CWH43: variants seen among roughly 807,000 people sequenced by gnomAD.
The protein encoded by CWH43 is PGAP2-interacting protein.
In CWH43, 91 loss-of-function variants were observed where a neutral mutation model predicts 85.7. That is an observed-to-expected ratio of 1.06 (90% CI 0.90 to 1.26). The LOEUF (loss-of-function observed/expected upper bound fraction) is 1.26. Ranked by LOEUF, CWH43 falls within the 50% of genes most tolerant of loss-of-function variation. CWH43 has a pLI of 0.00. For missense variants in CWH43, 869 were observed against 839.2 expected, an observed-to-expected ratio of 1.04 and a Z score of -0.44; for synonymous variants, 323 against 293.6, an observed-to-expected ratio of 1.10 and a Z score of -1.02.
chr4:49,034,826 C>A (rs1186111084), intron 12 of CWH43, among the ~76,000 whole-genome samples: 2 of 152,152 alleles, frequency 1.3e-5, no homozygotes, highest in African/African-American at 2.4e-5. Context: ...TCATGGGGTT[C>A]TTGTGCCCAT....
rs1560515617 is a variant in CWH43 at position 49,050,635 on chromosome 4, C to T, written c.1866-59C>T. ...AATAACAAAGGGGTATCACTTGGATCTCGTTAGATTTCTATACAATAATAA... is the reference window on the plus strand; with the variant it reads ...AATAACAAAGGGGTATCACTTGGATTTCGTTAGATTTCTATACAATAATAA... On this transcript the variant is annotated intron_variant, in intron 14 of 15. Coordinates refer to ENST00000226432, the MANE Select transcript of CWH43 (RefSeq NM_025087.3). 9 of 1,393,126 alleles carry T rather than the reference C, an allele frequency of 6.5e-6. No homozygotes were observed. The Admixed American group carries it at 1.8e-4, about 27-fold the overall frequency. 86.3% of individuals were successfully genotyped at this position (1,393,126 alleles called of 1,614,324 possible).
intron 2 of CWH43, among the ~76,000 whole-genome samples, chr4:48,991,119 T>A (rs1000622724): frequency 3.3e-5 from 5 of 152,130 alleles, no homozygotes; most frequent in African/African-American, 1.2e-4. Context: ...TGCCAGAGGC[T>A]AGGGCATGTG....
chr4:48,990,469 T>G (rs902019946), intron 2 of CWH43, among the ~76,000 whole-genome samples: 5 of 152,176 alleles, frequency 3.3e-5, no homozygotes, highest in African/African-American at 1.2e-4. Flanking sequence ...TGAGATATTC[T>G]TATATAAATA....
At chr4:49,028,796 G>A in intron 10 of CWH43, 62 bp downstream of exon 10, 2 of 1,125,006 alleles carry the variant, frequency 1.8e-6, no homozygotes, top group Non-Finnish European at 2.7e-6. Flanking sequence ...TTTATTTTCA[G>A]CAGGGTCATA....
At chr4:49,053,265 A>G (rs528540634) in intron 15 of CWH43, among the ~76,000 whole-genome samples, 1 of 152,300 alleles carries the variant, frequency 6.6e-6, no homozygotes, top group East Asian at 1.9e-4. Flanking sequence ...AGGAGTACAG[A>G]TATTTCTTCA....
At chr4:49,053,732 A>G (rs1005652926) in intron 15 of CWH43, among the ~76,000 whole-genome samples, 15 of 152,148 alleles carry the variant, frequency 9.9e-5, no homozygotes, top group African/African-American at 3.4e-4. Context: ...AAAATCCAAA[A>G]TCTGAAATGC....
chr4:49,019,848 G>A (rs1783683150), intron 9 of CWH43, among the ~76,000 whole-genome samples: 1 of 152,070 alleles, frequency 6.6e-6, no homozygotes, highest in Admixed American at 6.6e-5. Flanking sequence ...CCAAAGTGCT[G>A]GGATTACAGA....
intron 15 of CWH43, among the ~76,000 whole-genome samples, chr4:49,057,222 G>T (rs1415020726): frequency 6.6e-6 from 1 of 152,176 alleles, no homozygotes; most frequent in Non-Finnish European, 1.5e-5. Context: ...GGTGGTCAGA[G>T]TACAGCTTGG....
In CWH43 at chr4:48,991,315, A is replaced by T; in HGVS notation, c.236-139A>T. ...TGAATTGTATTTCAATAAAAATTTT[A>T]AATACATATATAAAATTATACATCA... is the stretch of plus-strand genomic sequence containing the variant. On this transcript the variant is annotated intron_variant, in intron 2 of 15. Transcript: ENST00000226432. 7 of 801,470 alleles carry T rather than the reference A, an allele frequency of 8.7e-6. No individual in the cohort carries two copies. In the South Asian group the frequency reaches 1.5e-4, roughly 17 times the overall value. 49.6% of individuals were successfully genotyped at this position (801,470 alleles called of 1,614,324 possible). A position where few individuals can be genotyped will look rare whatever the true frequency, so the allele number is the denominator to read the frequency against.
chr4:49,026,692 C>G (rs1783927524), intron 9 of CWH43, among the ~76,000 whole-genome samples: 1 of 152,174 alleles, frequency 6.6e-6, no homozygotes, highest in South Asian at 2.1e-4. Context: ...CAGACCCATC[C>G]AAGTTGCTGC....
chr4:49,017,076 G>A (rs1349434672), intron 8 of CWH43, 173 bp from the exon 9 acceptor site: 1 of 737,166 alleles, frequency 1.4e-6, no homozygotes, highest in Non-Finnish European at 2.5e-6. Context: ...CACGTTCAGT[G>A]TCAATGAGCT....
Position 48,986,436 on chromosome 4 carries a change from T to A in CWH43, c.7T>A (p.Ser3Thr), listed in dbSNP as rs1482170306. MP[S>T]LWREILLESL... ...GCTGCCCCTCGCCGCGGCGATGCCC[T>A]CGCTGTGGAGAGAAATCCTCTTGGA... Residue 3 changes from serine to threonine, a missense_variant, in exon 1 of 16, where the codon TCG becomes ACG. Transcript: ENST00000226432. 3 of 1,548,652 alleles carry A rather than the reference T, an allele frequency of 1.9e-6. No individual in the cohort carries two copies. Among genetic ancestry groups the A allele is most frequent in the Non-Finnish European group, 2.6e-6 (3 of 1,143,106 alleles).
chr4:48,992,189 G>T lies in CWH43; in HGVS notation c.511+99G>T. ...GAAAATCTATAAAAGTAGTCTTTCT[G>T]CATTATATCTATATTTCAGCTTTTT... On this transcript the variant is annotated intron_variant, in intron 4 of 15. Coordinates refer to ENST00000226432, the MANE Select transcript of CWH43 (RefSeq NM_025087.3). The surrounding 1 kb of genome is among the most constrained non-coding windows in gnomAD (Gnocchi z 4.3). 1 of 1,029,734 alleles carries T rather than the reference G, an allele frequency of 9.7e-7. No individual in the cohort carries two copies. The highest frequency in any genetic ancestry group is 2.4e-5 in the East Asian group (1 of 41,100). 63.8% of individuals were successfully genotyped at this position (1,029,734 alleles called of 1,614,324 possible).
chr4:49,026,425 G>A (rs1783918367), intron 9 of CWH43, among the ~76,000 whole-genome samples: 1 of 152,284 alleles, frequency 6.6e-6, no homozygotes, highest in Admixed American at 6.5e-5. Flanking sequence ...AAAGTTCATG[G>A]TGTGGGTCTC....
At chr4:49,028,127 T>C (rs772069724) in intron 9 of CWH43, among the ~76,000 whole-genome samples, 1 of 152,220 alleles carries the variant, frequency 6.6e-6, no homozygotes, top group Non-Finnish European at 1.5e-5. Context: ...AATTCCTTTT[T>C]ATTGTTACTA....
At chr4:48,987,351 G>A (rs1782528062) in intron 1 of CWH43, among the ~76,000 whole-genome samples, 1 of 152,086 alleles carries the variant, frequency 6.6e-6, no homozygotes, top group South Asian at 2.1e-4. Context: ...ACAACACTGT[G>A]AAGGGGTTGA....
chr4:49,041,482 A>G (rs1784460948), intron 13 of CWH43, among the ~76,000 whole-genome samples: 2 of 152,098 alleles, frequency 1.3e-5, no homozygotes, highest in Non-Finnish European at 2.9e-5. Context: ...TTGGATTCCT[A>G]AGTATTTTAT....
intron 13 of CWH43, among the ~76,000 whole-genome samples, chr4:49,038,387 G>A (rs1489146121): frequency 1.3e-5 from 2 of 152,200 alleles, no homozygotes; most frequent in East Asian, 3.9e-4. Flanking sequence ...CTCAATGGGG[G>A]TAGCTCATCT....
intron 15 of CWH43, among the ~76,000 whole-genome samples, chr4:49,051,791 G>T (rs1784806858): frequency 6.6e-6 from 1 of 152,154 alleles, no homozygotes; most frequent in South Asian, 2.1e-4. Flanking sequence ...TGGTCAGGCT[G>T]GTCTCGAAAG....
Sources: gnomAD v4.1 joint callset for allele counts (sites outside exome capture counted in the v4.1 genomes callset) on GRCh38, gnomAD v4.1.1 for gene constraint, Gnocchi (gnomAD v3.1) non-coding constraint, MANE v1.5 for transcripts, NCBI Gene and HGNC (gene_info 2026-07-23, HGNC 2026-07-21) for gene names.